Variants in GOLGA6L9 observed in about 807,000 individuals in gnomAD.
The protein encoded by GOLGA6L9 is golgin subfamily A member 6-like protein 9.
GOLGA6L9 carries 19 observed loss-of-function variants against 51.3 expected under a neutral mutation model. The observed-to-expected ratio is 0.37, with a 90% CI of 0.26 to 0.54. The LOEUF (loss-of-function observed/expected upper bound fraction) is 0.54. Among genes scored for constraint, GOLGA6L9 ranks in the 20% least tolerant of loss-of-function variants. GOLGA6L9 has a pLI of 0.83. For missense variants in GOLGA6L9, 247 were observed against 464.1 expected, an observed-to-expected ratio of 0.53 and a Z score of 4.30; for synonymous variants, 97 against 184.2, an observed-to-expected ratio of 0.53 and a Z score of 3.83.
At position 82,434,578 on chromosome 15, in the gene GOLGA6L9, G is replaced by A. The variant is rs2150830257; in HGVS notation, c.978G>A (p.Glu326=). The change falls in exon 6 of 9, where the codon GAG becomes GAA. Residue 326 remains glutamate (E), a synonymous_variant. Transcript: ENST00000618348. The stretch of plus-strand genomic sequence containing the variant: ...AAGCCCTGTACGAGCAGCGGGCCGA[G>A]CCACGCAGCGGCTTCGAGGAGCTGG... ...GWEALYEQRA[E]PRSGFEELNN... 6.5e-7 allele frequency: 1 copy of A among 1,536,518 alleles called. No homozygotes were observed. The highest frequency in any genetic ancestry group is 2.4e-5 in the East Asian group (1 of 41,184).
At chr15:82,429,700 T>TACAC (rs1185012904), upstream of GOLGA6L9, among the ~76,000 whole-genome samples, 1 of 152,176 alleles carries the variant, frequency 6.6e-6, no homozygotes, top group Non-Finnish European at 1.5e-5. Context: ...AACACATAGA[T>TACAC]ACACACAGAC....
the GOLGA6L9 span, chr15:82,419,999 C>G: frequency 5.5e-5 from 24 of 432,860 alleles, no homozygotes; most frequent in Admixed American, 2.9e-4. Context: ...AGTGCCTACT[C>G]GATAGAATCA....
In GOLGA6L9 at chr15:82,437,976, G is replaced by T. The variant is rs1175274053; in HGVS notation, c.*1565G>T. ...TATTTATGGCTTAAAATGGACTAAAGGTCCTGTTCTTGCCTTGTCTGAACT... is the reference window on the plus strand; with the variant it reads ...TATTTATGGCTTAAAATGGACTAAATGTCCTGTTCTTGCCTTGTCTGAACT... On this transcript the variant is annotated 3_prime_UTR_variant, in exon 9 of 9. Coordinates refer to ENST00000618348, the MANE Select transcript of GOLGA6L9 (RefSeq NM_198181.4). 7 of 150,942 alleles carry T rather than the reference G, an allele frequency of 4.6e-5. No homozygotes were observed. The highest frequency in any genetic ancestry group is 4.6e-4 in the Admixed American group (7 of 15,160). 9.4% of individuals were successfully genotyped at this position (150,942 alleles called of 1,614,324 possible).
In GOLGA6L9 at chr15:82,430,285, C is replaced by T. The variant is rs1358125792; in HGVS notation, c.84+122C>T. The T allele has an allele frequency of 1.1e-5, 4 of 361,820 alleles. No homozygotes were observed. In the Admixed American group the frequency reaches 1.7e-4, roughly 16 times the overall value. The allele number at this position is 361,820 out of a possible 1,614,324, so 22.4% of individuals were successfully genotyped here. A position where few individuals can be genotyped will look rare whatever the true frequency, so the allele number is the denominator to read the frequency against. ...ATGGGGCCCCCCAACCCCAGCCCCT[C>T]TGGGCTCCCCCAACCAAAGCCTAGT... On this transcript the variant is annotated intron_variant, in intron 1 of 8. Coordinates refer to ENST00000618348, the MANE Select transcript of GOLGA6L9 (RefSeq NM_198181.4).
chr15:82,429,767 A>G (rs2031338698), upstream of GOLGA6L9, among the ~76,000 whole-genome samples: 1 of 152,184 alleles, frequency 6.6e-6, no homozygotes, highest in East Asian at 1.9e-4. Context: ...TAACAGTTTT[A>G]AAGCTTTTAA....
chr15:82,431,798 C>T, intron 1 of GOLGA6L9, 32 bp from the exon 2 acceptor site: 2 of 1,449,732 alleles, frequency 1.4e-6, no homozygotes, highest in East Asian at 2.8e-5. Context: ...GCTGATCATT[C>T]TCATGAGTGT....
At position 82,431,962 on chromosome 15, in the gene GOLGA6L9, G is replaced by A. The variant is rs2031420171; in HGVS notation, c.204+13G>A. On this transcript the variant is annotated intron_variant, in intron 2 of 8. Coordinates refer to ENST00000618348, the MANE Select transcript of GOLGA6L9 (RefSeq NM_198181.4). The stretch of plus-strand genomic sequence containing the variant: ...CTCACCTGGGGATGTGAGTCTCGGC[G>A]GGCCAGGCTCCTGGGGACAGGGAGC... 1.4e-5 allele frequency: 19 copies of A among 1,346,698 alleles called. 1 individual carries two copies. Among genetic ancestry groups the A allele is most frequent in the African/African-American group, 8.7e-5 (6 of 68,656 alleles). The allele number at this position is 1,346,698 out of a possible 1,614,324, so 83.4% of individuals were successfully genotyped here. A position where few individuals can be genotyped will look rare whatever the true frequency, so the allele number is the denominator to read the frequency against.
chr15:82,418,409 C>T, the GOLGA6L9 span, among the ~76,000 whole-genome samples: 3 of 152,140 alleles, frequency 2.0e-5, no homozygotes, highest in African/African-American at 7.2e-5. Flanking sequence ...ACTTGGTGTC[C>T]ACATAGATCT....
upstream of GOLGA6L9, among the ~76,000 whole-genome samples, chr15:82,425,109 AAT>A: frequency 6.7e-6 from 1 of 149,866 alleles, no homozygotes; most frequent in Non-Finnish European, 1.5e-5. Context: ...TTTGAAAAAA[AAT>A]AAGTAAATTT....
At chr15:82,432,929 C>G in intron 4 of GOLGA6L9, 32 bp downstream of exon 4, 1 of 1,587,700 alleles carries the variant, frequency 6.3e-7, no homozygotes, top group South Asian at 1.1e-5. Context: ...CTGATTACAG[C>G]TGGTCAATCC....
At chr15:82,420,864 A>G in the GOLGA6L9 span, among the ~76,000 whole-genome samples, 1 of 149,988 alleles carries the variant, frequency 6.7e-6, no homozygotes, top group South Asian at 2.2e-4. Context: ...CTTTTGAGCA[A>G]AAATTTGGTT....
intron 4 of GOLGA6L9, among the ~76,000 whole-genome samples, 188 bp downstream of exon 4, chr15:82,433,085 T>G (rs1325567719): frequency 1.3e-5 from 2 of 151,444 alleles, no homozygotes; most frequent in Admixed American, 6.6e-5. Context: ...CACTGCCCTC[T>G]TTGCTGACTC....
the GOLGA6L9 span, among the ~76,000 whole-genome samples, chr15:82,420,670 C>T: frequency 6.6e-6 from 1 of 151,258 alleles, no homozygotes; most frequent in East Asian, 1.9e-4. Flanking sequence ...AGTCTGACTG[C>T]CCTAGGCCCA....
chr15:82,425,137 A>C (rs2031189423), upstream of GOLGA6L9, among the ~76,000 whole-genome samples: 1 of 151,540 alleles, frequency 6.6e-6, no homozygotes, highest in East Asian at 1.9e-4. Flanking sequence ...ATGAAATGAT[A>C]TTTGAGCACT....
In GOLGA6L9 at chr15:82,432,606, C is replaced by G. The variant is rs1488999431; in HGVS notation, c.239C>G (p.Ser80Cys). The part of the protein sequence containing the change: ...ATGIYGEGRA[S>C]STTLQDLESQ... ...GGTATCTACGGGGAGGGCCGTGCAT[C>G]CTCTACTACCCTGCAGGATCTGGAG... Residue 80 changes from serine to cysteine, a missense_variant, in exon 3 of 9, where the codon TCC becomes TGC. Ser to Cys is a moderately radical substitution (Grantham distance 112). Transcript: ENST00000618348. 271 of 1,604,542 alleles carry G rather than the reference C, an allele frequency of 1.7e-4. 1 individual carries two copies. In the East Asian group the frequency reaches 5.6e-3, roughly 33 times the overall value.
the GOLGA6L9 span, chr15:82,418,908 G>C: frequency 6.6e-6 from 1 of 152,226 alleles, no homozygotes; most frequent in Non-Finnish European, 1.5e-5. Flanking sequence ...CTTCTGCCCT[G>C]ATTCTTTGGA....
chr15:82,434,062 A>T lies in GOLGA6L9; in HGVS notation c.462A>T (p.Ala154=). ...AACCCCTGGCCCCACAGCCCCCAGC[A>T]GGGCCATCTAAGATGGAGCAGCTAC... is the stretch of plus-strand genomic sequence containing the variant. ...TAEPLAPQPP[A]GPSKMEQLQD... is the part of the protein sequence containing the mutation. The change falls in exon 6 of 9, where the codon GCA becomes GCT. Residue 154 remains alanine, a synonymous_variant. Coordinates refer to ENST00000618348, the MANE Select transcript of GOLGA6L9 (RefSeq NM_198181.4). The T allele has an allele frequency of 2.7e-6, 4 of 1,501,406 alleles. No homozygotes were observed. The highest frequency in any genetic ancestry group is 3.5e-6 in the Non-Finnish European group (4 of 1,139,928). The allele number at this position is 1,501,406 out of a possible 1,614,324, so 93.0% of individuals were successfully genotyped here.
chr15:82,427,455 A>G (rs1480448460), upstream of GOLGA6L9, among the ~76,000 whole-genome samples: 2 of 151,932 alleles, frequency 1.3e-5, no homozygotes, highest in South Asian at 4.1e-4. Flanking sequence ...CCAAGCTCCA[A>G]AGTCACATTT....
the GOLGA6L9 span, among the ~76,000 whole-genome samples, chr15:82,417,021 G>A: frequency 2.7e-4 from 41 of 152,224 alleles, no homozygotes; most frequent in African/African-American, 8.7e-4. Flanking sequence ...CTCCCCCACC[G>A]TTGATCCTGG....
Sources: allele counts gnomAD v4.1 joint callset (sites outside exome capture counted in the v4.1 genomes callset), GRCh38; gene constraint gnomAD v4.1.1; transcripts MANE v1.5; gene names NCBI Gene and HGNC (gene_info 2026-07-23, HGNC 2026-07-21).